KANK1: variants seen among roughly 807,000 people sequenced by gnomAD.
KANK1 encodes the protein KN motif and ankyrin repeat domains 1.
Under a neutral mutation model 106.2 loss-of-function variants are expected in KANK1, and 109 were observed. The observed-to-expected ratio is 1.03, with a 90% CI of 0.88 to 1.20. The LOEUF (loss-of-function observed/expected upper bound fraction) is 1.20, where lower values mean the gene tolerates loss of function less well. KANK1 is among the 50% of genes most tolerant of loss of function. KANK1 has a pLI of 0.00. For missense variants in KANK1, 2,399 were observed against 1,710.7 expected (o/e 1.40, Z -7.10); for synonymous variants, 873 against 652.2 (o/e 1.34, Z -5.16).
At chr9:698,173 C>T (rs1011792680) in intron 2 of KANK1, among the ~76,000 whole-genome samples, 1 of 152,168 alleles carries the variant, frequency 6.6e-6, no homozygotes, top group South Asian at 2.1e-4. Context: ...GCGTGCTGCC[C>T]GCCTTTCTCT....
At chr9:718,513 T>C (rs1241501772) in intron 3 of KANK1, among the ~76,000 whole-genome samples, 1 of 151,984 alleles carries the variant, frequency 6.6e-6, no homozygotes, top group Non-Finnish European at 1.5e-5. Flanking sequence ...TCTCCCCATG[T>C]TGCCCAGGCT....
intron 1 of KANK1, among the ~76,000 whole-genome samples, chr9:514,691 G>A (rs113771738): frequency 7.3e-5 from 11 of 151,602 alleles, no homozygotes; most frequent in African/African-American, 2.4e-4. Context: ...TGTTCATCCT[G>A]TTGTCCATGA....
At chr9:657,913 C>T (rs898819647) in intron 1 of KANK1, among the ~76,000 whole-genome samples, 5 of 151,850 alleles carry the variant, frequency 3.3e-5, no homozygotes, top group African/African-American at 1.2e-4. Flanking sequence ...TATAGGCTCT[C>T]CCTAAATTGC....
chr9:592,024 G>A (rs1053745220), intron 1 of KANK1, among the ~76,000 whole-genome samples: 2 of 151,664 alleles, frequency 1.3e-5, no homozygotes, highest in Admixed American at 6.6e-5. Context: ...ACACCATAGG[G>A]GCAGGGACCT....
At chr9:733,400 A>T (rs780305251) in intron 6 of KANK1, 4 of 152,240 alleles carry the variant, frequency 2.6e-5, no homozygotes, top group Non-Finnish European at 4.4e-5. Context: ...AGTGTTTCAC[A>T]TGGCTTTTTA....
At chr9:744,778 G>A in intron 11 of KANK1, 189 bp downstream of exon 11, 6 of 1,482,502 alleles carry the variant, frequency 4.0e-6, no homozygotes, top group South Asian at 1.4e-5. Flanking sequence ...TGTTTTAGCA[G>A]AGGCTGGACC....
intron 1 of KANK1, among the ~76,000 whole-genome samples, chr9:508,794 A>T (rs2132735007): frequency 6.6e-6 from 1 of 152,212 alleles, no homozygotes; most frequent in Non-Finnish European, 1.5e-5. Flanking sequence ...TTTAGGTTTG[A>T]GGGGCATTTA....
chr9:514,131 C>CCTCCCTCCCTCCCTTCCTCT (rs2059158107), intron 1 of KANK1, among the ~76,000 whole-genome samples: 1 of 86,614 alleles, frequency 1.2e-5, no homozygotes, highest in Non-Finnish European at 2.1e-5. Flanking sequence ...TCTCTCTCTC[C>CCTCCCTCCCTCCCTTCCTCT]CTCCCTCCCT....
At chr9:481,442 TA>T (rs202138186) in intron 3 of KANK1, among the ~76,000 whole-genome samples, 3,258 of 152,270 alleles carry the variant, frequency 0.021, 102 homozygotes, top group African/African-American at 0.073. Context: ...GTGATGTGTA[TA>T]AAAATAATGC....
At chr9:624,446 C>A (rs1833881302) in intron 1 of KANK1, among the ~76,000 whole-genome samples, 1 of 152,026 alleles carries the variant, frequency 6.6e-6, no homozygotes, top group Non-Finnish European at 1.5e-5. Context: ...CGTATAATTT[C>A]TATTAATTAT....
chr9:521,022 T>C (rs2059522903), intron 1 of KANK1, among the ~76,000 whole-genome samples: 1 of 151,762 alleles, frequency 6.6e-6, no homozygotes, highest in Non-Finnish European at 1.5e-5. Flanking sequence ...AGAAATAAAA[T>C]TTATTAAGGC....
intron 1 of KANK1, among the ~76,000 whole-genome samples, chr9:602,662 C>G (rs1290160396): frequency 4.6e-5 from 7 of 151,832 alleles, no homozygotes; most frequent in Admixed American, 4.6e-4. Flanking sequence ...TAAAGTAACT[C>G]TTTTTGCATA....
At position 658,450 on chromosome 9, in the gene KANK1, C is replaced by T. The variant is rs186737587; in HGVS notation, c.-83-18440C>T. On this transcript the variant is annotated intron_variant, in intron 1 of 11. Coordinates refer to ENST00000382297, the MANE Select transcript of KANK1 (RefSeq NM_015158.5). ...AAATATATGGAGCTCTTTCTGGCCC[C>T]GAGCCTCCAGACCTTTTAAAGAAAA... Among the ~76,000 whole-genome samples, 8 of 151,714 alleles carry T rather than the reference C, an allele frequency of 5.3e-5. No individual in the cohort carries two copies. In the East Asian group the frequency reaches 1.6e-3, roughly 30 times the overall value.
intron 1 of KANK1, among the ~76,000 whole-genome samples, chr9:656,089 C>T (rs893258379): frequency 1.6e-4 from 25 of 152,178 alleles, no homozygotes; most frequent in Non-Finnish European, 2.9e-4. Flanking sequence ...TGCTGTCAGA[C>T]CGCAGGCTCT....
chr9:522,732 T>C (rs1587482427), intron 1 of KANK1, among the ~76,000 whole-genome samples: 1 of 151,800 alleles, frequency 6.6e-6, no homozygotes, highest in Non-Finnish European at 1.5e-5. Context: ...TGGTATCTCA[T>C]AGAATTCTGT....
chr9:615,492 A>G (rs959040116), intron 1 of KANK1, among the ~76,000 whole-genome samples: 1 of 152,124 alleles, frequency 6.6e-6, no homozygotes, highest in Admixed American at 6.5e-5. Context: ...AAGAGGGGGA[A>G]TAATGTTGTT....
rs748782235 is a variant in KANK1 at position 732,534 on chromosome 9, T to C, written c.3162T>C (p.Asn1054=). The C allele has an allele frequency of 5.6e-6, 9 of 1,614,092 alleles. No individual in the cohort carries two copies. The East Asian group carries it at 1.8e-4, about 32-fold the overall frequency. ...RGMAEGHHAV[N]IEGLKSARVE... ...TGGCAGAAGGGCACCATGCAGTTAA[T>C]ATTGAAGGTTTGAAGTCTGCCAGGG... The change falls in exon 6 of 12, where the codon AAT becomes AAC. Residue 1054 remains asparagine (N), a synonymous_variant. Transcript: ENST00000382297.
At chr9:664,001 A>T (rs551913798) in intron 1 of KANK1, among the ~76,000 whole-genome samples, 1 of 152,042 alleles carries the variant, frequency 6.6e-6, no homozygotes, top group Non-Finnish European at 1.5e-5. Flanking sequence ...CTCATCTTGA[A>T]TTGTAGTTCC....
intron 1 of KANK1, among the ~76,000 whole-genome samples, chr9:515,360 A>C (rs932323800): frequency 6.6e-6 from 1 of 150,636 alleles, no homozygotes; most frequent in Non-Finnish European, 1.5e-5. Flanking sequence ...AAAAAAAAAG[A>C]AAAAAAAGCC....
Sources: allele counts gnomAD v4.1 joint callset (sites outside exome capture counted in the v4.1 genomes callset), GRCh38; gene constraint gnomAD v4.1.1; transcripts MANE v1.5; gene names NCBI Gene and HGNC (gene_info 2026-07-23, HGNC 2026-07-21).